KALRN: variants seen among roughly 807,000 people sequenced by gnomAD.
KALRN encodes kalirin RhoGEF kinase, also known as kalirin.
Under a neutral mutation model 353.7 loss-of-function variants are expected in KALRN, and 70 were observed. That is an observed-to-expected ratio of 0.20 (90% CI 0.16 to 0.24). The LOEUF is 0.24. Ranked by LOEUF, KALRN falls within the 10% of genes least tolerant of loss-of-function variation. The probability of loss-of-function intolerance (pLI) is 1.00; values close to 1 mark genes in which losing one functional copy is unlikely to be tolerated. For missense variants in KALRN, 2,791 were observed against 3,756.7 expected, an observed-to-expected ratio of 0.74 and a Z score of 6.72; for synonymous variants, 1,391 against 1,434.8, an observed-to-expected ratio of 0.97 and a Z score of 0.69.
At chr3:124,662,802 G>A (rs2085063664) in intron 45 of KALRN, among the ~76,000 whole-genome samples, 1 of 152,190 alleles carries the variant, frequency 6.6e-6, no homozygotes, top group Non-Finnish European at 1.5e-5. Context: ...GAGGCTAGAG[G>A]TCTGAAATCA....
intron 1 of KALRN, among the ~76,000 whole-genome samples, chr3:124,199,735 G>A (rs2075786742): frequency 6.6e-6 from 1 of 152,158 alleles, no homozygotes; most frequent in Non-Finnish European, 1.5e-5. Context: ...TGAGCAATAT[G>A]AGCCTGTACA....
chr3:124,584,863 G>A (rs1221104892), intron 34 of KALRN: 3 of 1,607,438 alleles, frequency 1.9e-6, no homozygotes, highest in Admixed American at 1.7e-5. Context: ...GTCCCTCTTT[G>A]GGGTGGCTCT....
intron 11 of KALRN, among the ~76,000 whole-genome samples, chr3:124,393,084 G>A (rs2089692766): frequency 1.3e-5 from 2 of 152,088 alleles, no homozygotes; most frequent in South Asian, 4.1e-4. Flanking sequence ...CACTGCCTCA[G>A]CTTCCTGAAT....
chr3:124,049,539 G>C (rs2040834464), intron 1 of KALRN, among the ~76,000 whole-genome samples: 1 of 152,196 alleles, frequency 6.6e-6, no homozygotes, highest in Non-Finnish European at 1.5e-5. Context: ...GATTTTGTCA[G>C]CTGCTTCTCT....
At chr3:124,656,949 G>A (rs2084123793) in intron 39 of KALRN, among the ~76,000 whole-genome samples, 1 of 152,148 alleles carries the variant, frequency 6.6e-6, no homozygotes, top group South Asian at 2.1e-4. Flanking sequence ...GACATCAGTG[G>A]TGCGATTATG....
intron 1 of KALRN, among the ~76,000 whole-genome samples, chr3:124,141,953 T>G (rs139816907): frequency 5.6e-4 from 85 of 152,354 alleles, no homozygotes; most frequent in African/African-American, 1.9e-3. Context: ...TGTGTGGTTT[T>G]GAGCAAGTCA....
At chr3:124,472,770 T>C (rs973318472) in intron 25 of KALRN, among the ~76,000 whole-genome samples, 1 of 152,202 alleles carries the variant, frequency 6.6e-6, no homozygotes, top group Admixed American at 6.5e-5. Flanking sequence ...TACATATTAG[T>C]TTAAATGTGT....
At chr3:124,575,314 C>G (rs1427072717) in intron 34 of KALRN, among the ~76,000 whole-genome samples, 1 of 152,218 alleles carries the variant, frequency 6.6e-6, no homozygotes, top group Admixed American at 6.5e-5. Context: ...GATAATTGCC[C>G]CGTTGCTTGC....
At chr3:124,504,959 A>C (rs1204915752) in intron 33 of KALRN, 1 of 500,624 alleles carries the variant, frequency 2.0e-6, no homozygotes, top group East Asian at 5.9e-5. Flanking sequence ...AAGTGAGTAC[A>C]CTTGCAGTTC....
rs1198174055 is a variant in KALRN at position 124,723,490 on chromosome 3, A to AT, written c.*4027dup. 2.0e-5 allele frequency: 3 copies of AT among 152,120 alleles called. No individual in the cohort carries two copies. Among genetic ancestry groups the AT allele is most frequent in the South Asian group, 2.1e-4 (1 of 4,830 alleles). The allele number at this position is 152,120 out of a possible 1,614,324, so 9.4% of individuals were successfully genotyped here. On this transcript the variant is annotated 3_prime_UTR_variant, in exon 60 of 60. Transcript: ENST00000682506. The stretch of plus-strand genomic sequence containing the variant: ...GTGGGGACATCTATAAAATACTTTG[A>AT]TTTTTTTAAGTGCTACACACTGCCA...
chr3:124,207,140 G>C (rs971444567), intron 1 of KALRN, among the ~76,000 whole-genome samples: 1 of 152,250 alleles, frequency 6.6e-6, no homozygotes, highest in Non-Finnish European at 1.5e-5. Flanking sequence ...AGAGTCACCA[G>C]AGTTTGCAAG....
At chr3:124,185,933 G>A (rs2074168006) in intron 1 of KALRN, among the ~76,000 whole-genome samples, 1 of 152,192 alleles carries the variant, frequency 6.6e-6, no homozygotes, top group African/African-American at 2.4e-5. Flanking sequence ...GCCAGTTGCT[G>A]GGAGATGGAG....
rs374879905 is a variant in KALRN at position 124,465,754 on chromosome 3, T to C, written c.4031+3121T>C. On this transcript the variant is annotated intron_variant, in intron 25 of 59. Transcript: ENST00000682506. Reference sequence around the variant, plus strand: ...TAAGCATTGTCTAACGGAAACATGCTCCTCTCATTTCTAGTGCATAGCTCA... The same window carrying C: ...TAAGCATTGTCTAACGGAAACATGCCCCTCTCATTTCTAGTGCATAGCTCA... Among the ~76,000 whole-genome samples the C allele has an allele frequency of 4.6e-5, 7 of 152,306 alleles. No homozygotes were observed. The East Asian group carries it at 9.6e-4, about 21-fold the overall frequency.
At chr3:124,687,866 A>T (rs1032526290) in intron 51 of KALRN, among the ~76,000 whole-genome samples, 1 of 148,446 alleles carries the variant, frequency 6.7e-6, no homozygotes, top group Non-Finnish European at 1.5e-5. Flanking sequence ...AAAAGAAAAA[A>T]ATCATAGTTG....
chr3:124,494,032 T>A (rs941098404), intron 32 of KALRN, among the ~76,000 whole-genome samples: 6 of 152,226 alleles, frequency 3.9e-5, no homozygotes, highest in Non-Finnish European at 7.3e-5. Context: ...AAAGAAATGA[T>A]GGTCTAGGAT....
chr3:124,617,365 T>C (rs570760175), intron 34 of KALRN, among the ~76,000 whole-genome samples: 1 of 152,254 alleles, frequency 6.6e-6, no homozygotes, highest in East Asian at 1.9e-4. Context: ...GTGCTGGCAA[T>C]GCAAAGATGG....
At position 124,400,742 on chromosome 3, in the gene KALRN, A is replaced by G. The variant is rs6765472; in HGVS notation, c.2346+1871A>G. Among the ~76,000 whole-genome samples the G allele has an allele frequency of 7.9e-5, 12 of 152,290 alleles. No individual in the cohort carries two copies. In the South Asian group the frequency reaches 2.5e-3, roughly 32 times the overall value. Reference sequence around the variant, plus strand: ...AAATAAATACAGGCTAAGTTGATTAAAGTAGCCCAAGGCATTCCTGCAATC... The same window carrying G: ...AAATAAATACAGGCTAAGTTGATTAGAGTAGCCCAAGGCATTCCTGCAATC... On this transcript the variant is annotated intron_variant, in intron 13 of 59. Coordinates refer to ENST00000682506, the MANE Select transcript of KALRN (RefSeq NM_001388419.1).
chr3:124,278,763 G>T (rs2149017845), intron 5 of KALRN, among the ~76,000 whole-genome samples: 1 of 152,166 alleles, frequency 6.6e-6, no homozygotes, highest in East Asian at 1.9e-4. Context: ...TCCTTCCAAG[G>T]TATAAACAGT....
intron 10 of KALRN, among the ~76,000 whole-genome samples, chr3:124,367,908 C>T (rs1306087550): frequency 1.7e-3 from 27 of 15,702 alleles, no homozygotes; most frequent in African/African-American, 5.5e-3. Flanking sequence ...GCTGGCCGGG[C>T]GGGGGGCTGA....
Sources: gnomAD v4.1 joint callset for allele counts (sites outside exome capture counted in the v4.1 genomes callset) on GRCh38, gnomAD v4.1.1 for gene constraint, MANE v1.5 for transcripts, NCBI Gene and HGNC (gene_info 2026-07-23, HGNC 2026-07-21) for gene names.